CCDC85A: variants seen among roughly 807,000 people sequenced by gnomAD.
CCDC85A encodes coiled-coil domain-containing protein 85A.
A neutral mutation model predicts 50.2 loss-of-function variants in CCDC85A; 38 were observed. The ratio of observed to expected loss-of-function variants is 0.76; its 90% CI spans 0.58 to 0.99. CCDC85A has a LOEUF of 0.99. Among genes scored for constraint, CCDC85A ranks in the 50% least tolerant of loss-of-function variants. The pLI, the probability that CCDC85A is intolerant of heterozygous loss-of-function variation, is 0.00. For synonymous variants in CCDC85A, 366 were observed against 301.4 expected (o/e 1.21, Z -2.22); for missense variants, 820 against 742.0 (o/e 1.11, Z -1.22).
chr2:56,340,876 CAAAA>C (rs61603853), intron 2 of CCDC85A, among the ~76,000 whole-genome samples: 8 of 58,222 alleles, frequency 1.4e-4, no homozygotes, highest in Admixed American at 2.1e-4. Context: ...AACTCCATCT[CAAAA>C]AAAAAAAAAA....
intron 2 of CCDC85A, among the ~76,000 whole-genome samples, chr2:56,205,282 AT>A (rs1676915566): frequency 6.6e-6 from 1 of 152,160 alleles, no homozygotes; most frequent in Non-Finnish European, 1.5e-5. Flanking sequence ...GTTATGTCCC[AT>A]TTAAATGGGT....
intron 2 of CCDC85A, among the ~76,000 whole-genome samples, chr2:56,298,822 G>A (rs1672072507): frequency 1.3e-5 from 2 of 152,138 alleles, no homozygotes; most frequent in Admixed American, 1.3e-4. Flanking sequence ...TACTTTTGTG[G>A]CCTTTGAAAT....
chr2:56,238,402 G>A lies in CCDC85A; in HGVS notation c.1240+44962G>A, dbSNP rs1267676459. Among the ~76,000 whole-genome samples the A allele has an allele frequency of 1.1e-4, 15 of 142,266 alleles. No homozygotes were observed. In the East Asian group the frequency reaches 3.1e-3, roughly 30 times the overall value. The allele number at this position is 142,266 out of a possible 152,430, so 93.3% of individuals were successfully genotyped here. A position where few individuals can be genotyped will look rare whatever the true frequency, so the allele number is the denominator to read the frequency against. On this transcript the variant is annotated intron_variant, in intron 2 of 5. Transcript: ENST00000407595. Reference sequence around the variant, plus strand: ...ACTGCCCTCCAGCCTAGGTGACAGAGTAACATTCTGTCTAAAAAAAAAAAA... The same window carrying A: ...ACTGCCCTCCAGCCTAGGTGACAGAATAACATTCTGTCTAAAAAAAAAAAA...
rs1467777496 is a variant in CCDC85A at position 56,385,019 on chromosome 2, A to G, written c.*664A>G. On this transcript the variant is annotated 3_prime_UTR_variant, in exon 6 of 6. Coordinates refer to ENST00000407595, the MANE Select transcript of CCDC85A (RefSeq NM_001080433.2). Reference sequence around the variant, plus strand: ...CGTTGTAGAGTGCTTATCAGAGAGTACCATTTACTTCAATTGATCAATATA... The same window carrying G: ...CGTTGTAGAGTGCTTATCAGAGAGTGCCATTTACTTCAATTGATCAATATA... 6.6e-6 allele frequency: 1 copy of G among 152,252 alleles called. No individual in the cohort carries two copies. The highest frequency in any genetic ancestry group is 6.6e-5 in the Admixed American group (1 of 15,192). 9.4% of individuals were successfully genotyped at this position (152,252 alleles called of 1,614,324 possible).
intron 2 of CCDC85A, among the ~76,000 whole-genome samples, chr2:56,240,717 T>A (rs1167032911): frequency 1.3e-5 from 2 of 152,232 alleles, no homozygotes; most frequent in African/African-American, 2.4e-5. Context: ...CTGATGTCGC[T>A]GTCAGTATTT....
At chr2:56,368,433 A>C (rs1177813399) in intron 3 of CCDC85A, among the ~76,000 whole-genome samples, 1 of 152,146 alleles carries the variant, frequency 6.6e-6, no homozygotes, top group Non-Finnish European at 1.5e-5. Context: ...GGCCAAACTG[A>C]ACAAAATATT....
At chr2:56,212,493 A>G (rs1166552342) in intron 2 of CCDC85A, among the ~76,000 whole-genome samples, 1 of 152,050 alleles carries the variant, frequency 6.6e-6, no homozygotes, top group Non-Finnish European at 1.5e-5. Context: ...GACAGGGAGA[A>G]TGCATCACTT....
At chr2:56,272,414 T>G (rs1670739222) in intron 2 of CCDC85A, among the ~76,000 whole-genome samples, 1 of 152,134 alleles carries the variant, frequency 6.6e-6, no homozygotes, top group East Asian at 1.9e-4. Flanking sequence ...GTCTGAACAC[T>G]CCCCAAATGC....
At chr2:56,275,689 A>T (rs902766118) in intron 2 of CCDC85A, among the ~76,000 whole-genome samples, 1 of 152,192 alleles carries the variant, frequency 6.6e-6, no homozygotes. Context: ...TAGAGTGCTG[A>T]CTGTCTGATG....
intron 2 of CCDC85A, among the ~76,000 whole-genome samples, chr2:56,244,158 C>A (rs1176187305): frequency 1.3e-5 from 2 of 152,170 alleles, no homozygotes; most frequent in Non-Finnish European, 2.9e-5. Context: ...CCCTTTAGGG[C>A]AGAAAATTCC....
At chr2:56,241,199 G>GATAT (rs546350194) in intron 2 of CCDC85A, among the ~76,000 whole-genome samples, 1 of 151,742 alleles carries the variant, frequency 6.6e-6, no homozygotes, top group Non-Finnish European at 1.5e-5. Flanking sequence ...TTTTGTGGGA[G>GATAT]ATATATATAT....
chr2:56,285,208 T>A (rs977510951), intron 2 of CCDC85A, among the ~76,000 whole-genome samples: 9 of 151,320 alleles, frequency 5.9e-5, no homozygotes, highest in African/African-American at 2.2e-4. Context: ...TTCAAGCAAT[T>A]CACCTGCCTC....
chr2:56,323,030 A>G (rs1217133034), intron 2 of CCDC85A, among the ~76,000 whole-genome samples: 1 of 152,154 alleles, frequency 6.6e-6, no homozygotes, highest in Non-Finnish European at 1.5e-5. Context: ...CATTATGAGC[A>G]AACTGTTGCA....
chr2:56,277,274 C>T (rs933848731), intron 2 of CCDC85A, among the ~76,000 whole-genome samples: 3 of 152,052 alleles, frequency 2.0e-5, no homozygotes, highest in African/African-American at 4.8e-5. Flanking sequence ...CTTTCATGAC[C>T]TATCATCTTG....
chr2:56,244,147 T>C (rs535030141), intron 2 of CCDC85A, among the ~76,000 whole-genome samples: 1 of 152,266 alleles, frequency 6.6e-6, no homozygotes, highest in East Asian at 1.9e-4. Context: ...CTTGTGTCTT[T>C]CCCTTTAGGG....
intron 3 of CCDC85A, among the ~76,000 whole-genome samples, chr2:56,365,505 C>A (rs1026894275): frequency 6.6e-6 from 1 of 152,086 alleles, no homozygotes; most frequent in Non-Finnish European, 1.5e-5. Context: ...CTCTCTGTAA[C>A]CCAGGAGCCA....
At chr2:56,365,044 C>A (rs1392189043) in intron 3 of CCDC85A, among the ~76,000 whole-genome samples, 1 of 152,152 alleles carries the variant, frequency 6.6e-6, no homozygotes, top group Non-Finnish European at 1.5e-5. Context: ...CCATGCAACT[C>A]CTGCATGTCA....
chr2:56,236,950 T>C (rs972167462), intron 2 of CCDC85A, among the ~76,000 whole-genome samples: 15 of 152,168 alleles, frequency 9.9e-5, no homozygotes, highest in African/African-American at 3.4e-4. Flanking sequence ...GATGATTCTG[T>C]TGTATTATTT....
intron 2 of CCDC85A, among the ~76,000 whole-genome samples, chr2:56,226,189 C>CA (rs1171302896): frequency 2.0e-5 from 3 of 152,178 alleles, no homozygotes; most frequent in African/African-American, 7.2e-5. Flanking sequence ...CCTAGCCAGC[C>CA]ATTTACTTGC....
Sources: gnomAD v4.1 joint callset for allele counts (sites outside exome capture counted in the v4.1 genomes callset) on GRCh38, gnomAD v4.1.1 for gene constraint, MANE v1.5 for transcripts, NCBI Gene and HGNC (gene_info 2026-07-23, HGNC 2026-07-21) for gene names.